NELL1: variants seen among roughly 807,000 people sequenced by gnomAD.
The protein encoded by NELL1 is neural EGFL like 1, also known as protein kinase C-binding protein NELL1.
Under a neutral mutation model 107.4 loss-of-function variants are expected in NELL1, and 76 were observed. The observed-to-expected ratio is 0.71, with a 90% CI of 0.59 to 0.86. NELL1 has a LOEUF of 0.86. Among genes scored for constraint, NELL1 ranks in the 40% least tolerant of loss-of-function variants. The probability of loss-of-function intolerance (pLI) is 0.00; values close to 1 mark genes in which losing one functional copy is unlikely to be tolerated. For missense variants in NELL1, 1,024 were observed against 1,005.5 expected (o/e 1.02, Z -0.25); for synonymous variants, 353 against 341.2 (o/e 1.03, Z -0.38).
chr11:21,388,373 AC>A (rs1274167041), intron 15 of NELL1, among the ~76,000 whole-genome samples: 1 of 151,866 alleles, frequency 6.6e-6, no homozygotes, highest in East Asian at 2.0e-4. Context: ...TAATTAGCAA[AC>A]AGTAGGTAAT....
chr11:21,068,305 A>G (rs1853930009), intron 12 of NELL1, among the ~76,000 whole-genome samples: 1 of 152,114 alleles, frequency 6.6e-6, no homozygotes, highest in African/African-American at 2.4e-5. Context: ...ACCTCATTTA[A>G]TCATCACAAC....
At chr11:21,354,879 G>A (rs901041440) in intron 14 of NELL1, among the ~76,000 whole-genome samples, 6 of 152,134 alleles carry the variant, frequency 3.9e-5, no homozygotes, top group African/African-American at 1.4e-4. Flanking sequence ...GTGACCTCCA[G>A]GGCTAATATA....
chr11:21,104,877 GCT>G (rs1469298209), intron 12 of NELL1, among the ~76,000 whole-genome samples: 1 of 152,174 alleles, frequency 6.6e-6, no homozygotes, highest in Non-Finnish European at 1.5e-5. Flanking sequence ...TCTCATGAAT[GCT>G]CTCTCTGACT....
intron 1 of NELL1, among the ~76,000 whole-genome samples, chr11:20,676,470 C>CT (rs1346202541): frequency 6.6e-6 from 1 of 152,062 alleles, no homozygotes; most frequent in African/African-American, 2.4e-5. Flanking sequence ...AGGAAGACAT[C>CT]TTTGGGTCAA....
chr11:21,396,625 A>T (rs1359121791), intron 15 of NELL1, among the ~76,000 whole-genome samples: 1 of 151,642 alleles, frequency 6.6e-6, no homozygotes, highest in Non-Finnish European at 1.5e-5. Flanking sequence ...GAGGCACATA[A>T]ATAATTATTA....
intron 15 of NELL1, among the ~76,000 whole-genome samples, chr11:21,417,631 A>C (rs1852550484): frequency 6.6e-6 from 1 of 152,100 alleles, no homozygotes; most frequent in Non-Finnish European, 1.5e-5. Flanking sequence ...TTTAAAATGC[A>C]GGAAAGTAGT....
rs1855299998 is a variant in NELL1, at chr11:20,718,286, C to G, written c.184+40226C>G. 2.0e-5 allele frequency among the ~76,000 whole-genome samples: 3 copies of G among 152,056 alleles called. No homozygotes were observed. In the South Asian group the frequency reaches 6.2e-4, roughly 32 times the overall value. ...AAATGTGACTAGTGCAACTGAGAAG[C>G]TGGATTTTAAATTTAAATTTAAGTA... is the stretch of plus-strand genomic sequence containing the variant. On this transcript the variant is annotated intron_variant, in intron 2 of 19. Coordinates refer to ENST00000357134, the MANE Select transcript of NELL1 (RefSeq NM_006157.5).
At chr11:20,842,440 T>C (rs1848638109) in intron 3 of NELL1, among the ~76,000 whole-genome samples, 1 of 151,664 alleles carries the variant, frequency 6.6e-6, no homozygotes, top group Admixed American at 6.6e-5. Flanking sequence ...GAGATTAGCA[T>C]AAAGAATGAG....
chr11:20,988,391 ATATATACATATC>A, intron 12 of NELL1, among the ~76,000 whole-genome samples: 5 of 151,356 alleles, frequency 3.3e-5, no homozygotes, highest in African/African-American at 9.7e-5. Flanking sequence ...ATATGTGTAT[ATATATACATATC>A]TATATATACA....
chr11:21,398,505 C>A (rs970285690), intron 15 of NELL1, among the ~76,000 whole-genome samples: 5 of 151,478 alleles, frequency 3.3e-5, no homozygotes, highest in Non-Finnish European at 7.4e-5. Context: ...CAAGAGGGAG[C>A]ATAAATTAGG....
At chr11:21,302,442 T>G (rs969891650) in intron 14 of NELL1, among the ~76,000 whole-genome samples, 1 of 152,080 alleles carries the variant, frequency 6.6e-6, no homozygotes, top group Non-Finnish European at 1.5e-5. Context: ...AAGCTCAGCA[T>G]GAATTACATT....
chr11:21,131,884 C>T (rs182390433), intron 13 of NELL1, among the ~76,000 whole-genome samples: 1 of 152,152 alleles, frequency 6.6e-6, no homozygotes, highest in Non-Finnish European at 1.5e-5. Context: ...CCACTATTGA[C>T]TTGTGACTTG....
chr11:21,064,210 T>C lies in NELL1; in HGVS notation c.1301-49379T>C, dbSNP rs554767581. ...AGGGGCCAGATGGTGTAGGGACTCA[T>C]AGGCCATTGTGTAGTCTTTGACTTT... On this transcript the variant is annotated intron_variant, in intron 12 of 19. Coordinates refer to ENST00000357134, the MANE Select transcript of NELL1 (RefSeq NM_006157.5). Among the ~76,000 whole-genome samples the C allele has an allele frequency of 5.3e-5, 8 of 152,222 alleles. No homozygotes were observed. In the East Asian group the frequency reaches 9.7e-4, roughly 18 times the overall value.
intron 12 of NELL1, among the ~76,000 whole-genome samples, chr11:21,080,915 A>G (rs1854252108): frequency 6.6e-6 from 1 of 152,062 alleles, no homozygotes; most frequent in Non-Finnish European, 1.5e-5. Context: ...ACACGCACAC[A>G]CACACAGAGA....
At chr11:21,282,307 G>A (rs930943127) in intron 14 of NELL1, among the ~76,000 whole-genome samples, 1 of 151,900 alleles carries the variant, frequency 6.6e-6, no homozygotes, top group African/African-American at 2.4e-5. Flanking sequence ...TATAATCTCA[G>A]GCCAGTTAAA....
chr11:21,339,201 G>T (rs1474387096), intron 14 of NELL1, among the ~76,000 whole-genome samples: 1 of 152,192 alleles, frequency 6.6e-6, no homozygotes, highest in Non-Finnish European at 1.5e-5. Flanking sequence ...AAATCATGAA[G>T]ATGTCCCTAA....
chr11:21,149,595 T>C (rs963125615), intron 13 of NELL1, among the ~76,000 whole-genome samples: 2 of 152,120 alleles, frequency 1.3e-5, no homozygotes, highest in African/African-American at 4.8e-5. Context: ...CGTTGACACA[T>C]GGGGATTATT....
chr11:21,467,925 C>A (rs1854073198), intron 15 of NELL1, among the ~76,000 whole-genome samples: 1 of 152,038 alleles, frequency 6.6e-6, no homozygotes, highest in South Asian at 2.1e-4. Context: ...AGACCCCTTG[C>A]AAGCTTTAGG....
At position 20,872,671 on chromosome 11, in the gene NELL1, G is replaced by A. The variant is rs140963096; in HGVS notation, c.507-12773G>A. 1.4e-4 allele frequency among the ~76,000 whole-genome samples: 19 copies of A among 137,178 alleles called. 1 individual carries two copies. In the East Asian group the frequency reaches 4.3e-3, roughly 31 times the overall value. 90.0% of individuals were successfully genotyped at this position (137,178 alleles called of 152,430 possible). ...TGAATGTGGAGATGCCAGTGTTTGAGGTGTGTGTGTGTGTGTGTGTGTGTG... is the reference window on the plus strand; with the variant it reads ...TGAATGTGGAGATGCCAGTGTTTGAAGTGTGTGTGTGTGTGTGTGTGTGTG... On this transcript the variant is annotated intron_variant, in intron 4 of 19. Transcript: ENST00000357134.
Sources: gnomAD v4.1 joint callset for allele counts (sites outside exome capture counted in the v4.1 genomes callset) on GRCh38, gnomAD v4.1.1 for gene constraint, MANE v1.5 for transcripts, NCBI Gene and HGNC (gene_info 2026-07-23, HGNC 2026-07-21) for gene names.